Variants in NFATC2 observed in about 807,000 individuals in gnomAD.
The protein encoded by NFATC2 is nuclear factor of activated T cells 2, also known as nuclear factor of activated T-cells, cytoplasmic 2.
A neutral mutation model predicts 87.3 loss-of-function variants in NFATC2; 22 were observed. The ratio of observed to expected loss-of-function variants is 0.25; its 90% CI spans 0.18 to 0.36. The LOEUF is 0.36. NFATC2 is among the 10% of genes least tolerant of loss of function. The probability of loss-of-function intolerance (pLI) is 1.00; values close to 1 mark genes in which losing one functional copy is unlikely to be tolerated. For synonymous variants in NFATC2, 565 were observed against 542.2 expected (o/e 1.04, Z -0.58); for missense variants, 1,149 against 1,259.1 (o/e 0.91, Z 1.32).
intron 6 of NFATC2, among the ~76,000 whole-genome samples, chr20:51,448,656 A>AAAAAG (rs1171534068): frequency 7.9e-5 from 12 of 152,180 alleles, no homozygotes; most frequent in Admixed American, 2.6e-4. Context: ...CGTCTCAAAA[A>AAAAAG]AAAAGAAAAG....
At chr20:51,409,242 C>G (rs557839196) in intron 9 of NFATC2, among the ~76,000 whole-genome samples, 1 of 152,286 alleles carries the variant, frequency 6.6e-6, no homozygotes, top group South Asian at 2.1e-4. Flanking sequence ...TATAACCCTA[C>G]AGAAAGTCCT....
At chr20:51,547,625 T>G (rs977969014), upstream of NFATC2, among the ~76,000 whole-genome samples, 36 of 152,272 alleles carry the variant, frequency 2.4e-4, no homozygotes, top group African/African-American at 7.9e-4. Flanking sequence ...CACGGGAGCA[T>G]CTAACAGGCA....
At chr20:51,424,324 T>G (rs1981433290) in intron 9 of NFATC2, among the ~76,000 whole-genome samples, 2 of 152,326 alleles carry the variant, frequency 1.3e-5, no homozygotes, top group African/African-American at 4.8e-5. Context: ...GTCAGCCTCC[T>G]GGCTCTTCGT....
chr20:51,423,212 C>A (rs1329384267), intron 9 of NFATC2, among the ~76,000 whole-genome samples: 1 of 146,190 alleles, frequency 6.8e-6, no homozygotes, highest in Non-Finnish European at 1.5e-5. Flanking sequence ...ATTGCTTGAG[C>A]CTGGGAGGTT....
At position 51,542,614 on chromosome 20, in the gene NFATC2, G is replaced by T. The variant is rs984135519; in HGVS notation, c.-115C>A. 1.0e-4 allele frequency: 126 copies of T among 1,219,758 alleles called. No individual in the cohort carries two copies. Among genetic ancestry groups the T allele is most frequent in the Non-Finnish European group, 1.3e-4 (123 of 976,148 alleles). 75.6% of individuals were successfully genotyped at this position (1,219,758 alleles called of 1,614,324 possible). ...CTCGAGCGGCGGGGTCCCTTTCCTCGTAGGGACGCACGCCGGGTCCGGGGA... is the reference window on the plus strand; with the variant it reads ...CTCGAGCGGCGGGGTCCCTTTCCTCTTAGGGACGCACGCCGGGTCCGGGGA... On this transcript the variant is annotated 5_prime_UTR_variant, in exon 1 of 11. Transcript: ENST00000371564.
chr20:51,406,658 C>T (rs987407729), intron 9 of NFATC2, among the ~76,000 whole-genome samples: 7 of 152,154 alleles, frequency 4.6e-5, no homozygotes, highest in African/African-American at 7.2e-5. Context: ...CACCAGCAAC[C>T]GGGGTTTCTA....
At position 51,540,647 on chromosome 20, in the gene NFATC2, G is replaced by GTTTTTTTTTTTTTTTTTTTTTTT. The variant is rs375172598; in HGVS notation, c.130+1722_130+1723insAAAAAAAAAAAAAAAAAAAAAAA. On this transcript the variant is annotated intron_variant, in intron 1 of 10. Coordinates refer to ENST00000371564, the MANE Select transcript of NFATC2 (RefSeq NM_012340.5). ...ATCTGAAACTGTTCCAAAAACTGAA[G>GTTTTTTTTTTTTTTTTTTTTTTT]TTTTTTTTTTGTTTTTTTTTTTTTG... 4.2e-4 allele frequency among the ~76,000 whole-genome samples: 48 copies of GTTTTTTTTTTTTTTTTTTTTTTT among 112,970 alleles called. 7 individuals carry two copies. Among genetic ancestry groups the GTTTTTTTTTTTTTTTTTTTTTTT allele is most frequent in the South Asian group, 1.6e-3 (6 of 3,852 alleles). 74.1% of individuals were successfully genotyped at this position (112,970 alleles called of 152,430 possible). A position where few individuals can be genotyped will look rare whatever the true frequency, so the allele number is the denominator to read the frequency against.
intron 3 of NFATC2, among the ~76,000 whole-genome samples, chr20:51,506,211 A>G (rs2076176437): frequency 6.6e-6 from 1 of 152,140 alleles, no homozygotes; most frequent in Non-Finnish European, 1.5e-5. Flanking sequence ...CCTGCTCATC[A>G]CTGGCGATGA....
At chr20:51,413,331 A>G (rs1979560626) in intron 9 of NFATC2, among the ~76,000 whole-genome samples, 1 of 152,040 alleles carries the variant, frequency 6.6e-6, no homozygotes, top group Non-Finnish European at 1.5e-5. Context: ...AGAAGAGATA[A>G]CAGCCTGATT....
Position 51,474,110 on chromosome 20 carries a change from A to G in NFATC2, c.1578T>C (p.Ile526=). The stretch of plus-strand genomic sequence containing the variant: ...TGTCCGTCTCGCCTTTCCGCAGCTC[A>G]ATGTCGGCGTTTCTAAGCTTCAAGA... ...AGILKLRNAD[I]ELRKGETDIG... is the part of the protein sequence containing the mutation. The change falls in exon 5 of 11, where the codon ATT becomes ATC. Residue 526 remains isoleucine, a synonymous_variant. Transcript: ENST00000371564. 1 of 1,614,138 alleles carries G rather than the reference A, an allele frequency of 6.2e-7. No homozygotes were observed. The highest frequency in any genetic ancestry group is 8.5e-7 in the Non-Finnish European group (1 of 1,180,046).
chr20:51,476,414 A>G (rs913582262), intron 3 of NFATC2, among the ~76,000 whole-genome samples: 2 of 152,218 alleles, frequency 1.3e-5, no homozygotes, highest in Non-Finnish European at 2.9e-5. Flanking sequence ...TGTGCAACAT[A>G]TAACAGATAA....
intron 3 of NFATC2, among the ~76,000 whole-genome samples, chr20:51,498,939 A>C (rs2076033890): frequency 6.6e-6 from 1 of 152,248 alleles, no homozygotes; most frequent in African/African-American, 2.4e-5. Flanking sequence ...AGCTGGGAGG[A>C]GTGAAAGGCA....
At position 51,522,940 on chromosome 20, in the gene NFATC2, C is replaced by G. The variant is rs946555309; in HGVS notation, c.1160+141G>C. On this transcript the variant is annotated intron_variant, in intron 2 of 10. Transcript: ENST00000371564. ...GAATTTAACTTCCGTCTCAGGGTCT[C>G]GCAACCAGCAAGGGGCCAAGCCAAG... The G allele has an allele frequency of 6.7e-6, 8 of 1,196,266 alleles. No homozygotes were observed. In the East Asian group the frequency reaches 9.4e-5, roughly 14 times the overall value. 74.1% of individuals were successfully genotyped at this position (1,196,266 alleles called of 1,614,324 possible).
At chr20:51,483,850 T>C (rs529447794) in intron 3 of NFATC2, among the ~76,000 whole-genome samples, 6 of 151,940 alleles carry the variant, frequency 3.9e-5, no homozygotes, top group Non-Finnish European at 7.4e-5. Context: ...ACTTCCACTC[T>C]AGTGCCCTGG....
In NFATC2 at chr20:51,520,232, T is replaced by C. The variant is rs936438021; in HGVS notation, c.1160+2849A>G. On this transcript the variant is annotated intron_variant, in intron 2 of 10. Coordinates refer to ENST00000371564, the MANE Select transcript of NFATC2 (RefSeq NM_012340.5). ...ATCATAATCATATTTTATAGCAGTG[T>C]CCCTCCCTATTCTCAACCACTAAAT... Among the ~76,000 whole-genome samples, 32 of 152,204 alleles carry C rather than the reference T, an allele frequency of 2.1e-4. 1 individual carries two copies. Among genetic ancestry groups the C allele is most frequent in the Non-Finnish European group, 4.0e-4 (27 of 68,038 alleles).
At chr20:51,395,864 G>A (rs1987007051) in intron 10 of NFATC2, among the ~76,000 whole-genome samples, 1 of 151,708 alleles carries the variant, frequency 6.6e-6, no homozygotes, top group Non-Finnish European at 1.5e-5. Context: ...GAAAGGGCCA[G>A]GTAATATTTT....
At chr20:51,507,702 G>A (rs1017279250) in intron 3 of NFATC2, among the ~76,000 whole-genome samples, 46 of 152,284 alleles carry the variant, frequency 3.0e-4, no homozygotes, top group Admixed American at 1.1e-3. Flanking sequence ...CACCCGCTTC[G>A]TCTACTTCCA....
chr20:51,417,944 C>T (rs1980278102), intron 9 of NFATC2, among the ~76,000 whole-genome samples: 1 of 152,262 alleles, frequency 6.6e-6, no homozygotes, highest in South Asian at 2.1e-4. Flanking sequence ...TCCCTGGTAC[C>T]CGCGGGGCAC....
At chr20:51,544,429 G>A (rs2076872575), upstream of NFATC2, among the ~76,000 whole-genome samples, 1 of 152,150 alleles carries the variant, frequency 6.6e-6, no homozygotes, top group South Asian at 2.1e-4. Context: ...GTGCCAGGAG[G>A]AATTGAGGAC....
Sources: gnomAD v4.1 joint callset for allele counts (sites outside exome capture counted in the v4.1 genomes callset) on GRCh38, gnomAD v4.1.1 for gene constraint, MANE v1.5 for transcripts, NCBI Gene and HGNC (gene_info 2026-07-23, HGNC 2026-07-21) for gene names.